ST18: variants seen among roughly 807,000 people sequenced by gnomAD.
ST18 encodes the protein ST18 C2H2C-type zinc finger transcription factor, also known as suppression of tumorigenicity 18 protein.
A neutral mutation model predicts 110.0 loss-of-function variants in ST18; 50 were observed. The observed-to-expected ratio is 0.45, with a 90% CI of 0.36 to 0.58. ST18 has a LOEUF of 0.58. ST18 is among the 20% of genes least tolerant of loss of function. ST18 has a pLI of 0.00. For missense variants in ST18, 1,306 were observed against 1,280.1 expected, an observed-to-expected ratio of 1.02 and a Z score of -0.31; for synonymous variants, 461 against 452.4, an observed-to-expected ratio of 1.02 and a Z score of -0.24.
intron 8 of ST18, among the ~76,000 whole-genome samples, chr8:52,186,669 C>A (rs1165021360): frequency 6.6e-6 from 1 of 152,160 alleles, no homozygotes; most frequent in Non-Finnish European, 1.5e-5. Context: ...CCTTTGACTG[C>A]AGAATGAATA....
rs1215520751 is a variant in ST18 at position 52,209,645 on chromosome 8, C to T, written c.86+2434G>A. On this transcript the variant is annotated intron_variant, in intron 8 of 25. Transcript: ENST00000689386. ...ATTAGCCCGGCATGGTGGCTCATGC[C>T]TGTAATCCCAGCTACTCGACAGGCT... Among the ~76,000 whole-genome samples, 3 of 151,640 alleles carry T rather than the reference C, an allele frequency of 2.0e-5. No homozygotes were observed. In the East Asian group the frequency reaches 5.9e-4, roughly 30 times the overall value.
intron 23 of ST18, among the ~76,000 whole-genome samples, chr8:52,118,694 A>G (rs549528514): frequency 1.3e-5 from 2 of 152,120 alleles, no homozygotes; most frequent in Non-Finnish European, 2.9e-5. Flanking sequence ...GTGCTGCCAG[A>G]CCCATTTGTA....
chr8:52,162,942 A>G (rs561876448), intron 13 of ST18, among the ~76,000 whole-genome samples: 3 of 152,330 alleles, frequency 2.0e-5, no homozygotes, highest in Non-Finnish European at 4.4e-5. Context: ...CTGAGCAACT[A>G]GTTGATCTTA....
intron 2 of ST18, among the ~76,000 whole-genome samples, chr8:52,271,490 C>T (rs368576844): frequency 6.6e-6 from 1 of 152,188 alleles, no homozygotes; most frequent in Non-Finnish European, 1.5e-5. Flanking sequence ...CCAATTTTCC[C>T]TCCCTGAAAG....
At chr8:52,361,190 T>C (rs1825591702) in intron 2 of ST18, among the ~76,000 whole-genome samples, 1 of 152,230 alleles carries the variant, frequency 6.6e-6, no homozygotes, top group Admixed American at 6.5e-5. Flanking sequence ...TATTTAGATA[T>C]AGAATCGATT....
chr8:52,219,589 T>G (rs2136296534), intron 5 of ST18, among the ~76,000 whole-genome samples: 1 of 152,350 alleles, frequency 6.6e-6, no homozygotes, highest in South Asian at 2.1e-4. Context: ...TTTATGATCC[T>G]TCTCCTTGTC....
In ST18 at chr8:52,116,433, A is replaced by G. The variant is rs1215644745; in HGVS notation, c.2860-15T>C. On this transcript the variant is annotated splice_polypyrimidine_tract_variant and intron_variant, in intron 24 of 25. Transcript: ENST00000689386. ...ATAGATGTGATCTACAACAGAAATA[A>G]CTTGGGAATGTGAGTAGTGGAGTTT... 1 of 1,607,486 alleles carries G rather than the reference A, an allele frequency of 6.2e-7. No individual in the cohort carries two copies. The highest frequency in any genetic ancestry group is 8.5e-7 in the Non-Finnish European group (1 of 1,176,588).
chr8:52,243,831 T>C (rs1263753590), intron 2 of ST18, among the ~76,000 whole-genome samples: 1 of 152,080 alleles, frequency 6.6e-6, no homozygotes, highest in African/African-American at 2.4e-5. Context: ...TTCTTGTCAA[T>C]GATTTTCCGC....
chr8:52,127,991 G>T (rs2047754159), intron 22 of ST18, among the ~76,000 whole-genome samples: 2 of 150,404 alleles, frequency 1.3e-5, no homozygotes, highest in South Asian at 2.1e-4. Flanking sequence ...TTTTTTTGAG[G>T]CGGGGTCTCA....
At chr8:52,132,869 G>C (rs2050258538) in intron 21 of ST18, among the ~76,000 whole-genome samples, 188 bp downstream of exon 21, 1 of 152,110 alleles carries the variant, frequency 6.6e-6, no homozygotes, top group African/African-American at 2.4e-5. Flanking sequence ...CATTATCAAA[G>C]AGCTGTGGAA....
rs547397702 is a variant in ST18 at position 52,182,132 on chromosome 8, T to C, written c.87-1820A>G. On this transcript the variant is annotated intron_variant, in intron 8 of 25. Transcript: ENST00000689386. ...GGGAGAGGCTCCTACGTCATTCAGA[T>C]ATTAAAGCAGGGAAAGGAAGTGGAT... 3.9e-5 allele frequency among the ~76,000 whole-genome samples: 6 copies of C among 152,300 alleles called. No homozygotes were observed. The South Asian group carries it at 1.0e-3, about 26-fold the overall frequency.
intron 2 of ST18, among the ~76,000 whole-genome samples, chr8:52,278,576 T>C (rs2095317351): frequency 6.6e-6 from 1 of 151,990 alleles, no homozygotes; most frequent in Admixed American, 6.6e-5. Flanking sequence ...CAACCCCTGC[T>C]CCTTGGGAAG....
chr8:52,252,572 C>T (rs1400854491), intron 2 of ST18, among the ~76,000 whole-genome samples: 5 of 151,570 alleles, frequency 3.3e-5, no homozygotes, highest in East Asian at 1.9e-4. Context: ...TACTTTGAAA[C>T]GTTTTAAATA....
intron 2 of ST18, among the ~76,000 whole-genome samples, chr8:52,289,802 C>T (rs897307412): frequency 6.6e-6 from 1 of 152,120 alleles, no homozygotes; most frequent in South Asian, 2.1e-4. Flanking sequence ...GCAGGAGCCA[C>T]ATGGAGCAAA....
intron 2 of ST18, among the ~76,000 whole-genome samples, chr8:52,233,898 T>C (rs2092107018): frequency 6.6e-6 from 1 of 152,208 alleles, no homozygotes; most frequent in South Asian, 2.1e-4. Flanking sequence ...GTGTATACAA[T>C]ATTGAATCAA....
chr8:52,239,711 T>C (rs2137495604), intron 2 of ST18, among the ~76,000 whole-genome samples: 1 of 152,310 alleles, frequency 6.6e-6, no homozygotes. Flanking sequence ...GTGGTCTCTA[T>C]TAGAGAAGCC....
At chr8:52,377,008 C>G (rs1482877207) in intron 2 of ST18, among the ~76,000 whole-genome samples, 1 of 152,164 alleles carries the variant, frequency 6.6e-6, no homozygotes, top group African/African-American at 2.4e-5. Flanking sequence ...AGGGTTAACA[C>G]TGATGCCCTC....
intron 2 of ST18, among the ~76,000 whole-genome samples, chr8:52,307,087 G>A (rs574606590): frequency 3.3e-5 from 5 of 152,132 alleles, no homozygotes; most frequent in South Asian, 2.1e-4. Context: ...GGGAGGTCAA[G>A]GCAGGAAGAT....
intron 15 of ST18, among the ~76,000 whole-genome samples, chr8:52,157,203 C>T (rs2060253733): frequency 1.3e-5 from 2 of 152,082 alleles, no homozygotes; most frequent in South Asian, 2.1e-4. Context: ...AGGGGAAAAG[C>T]CCTGTAATTT....
Sources: gnomAD v4.1 joint callset for allele counts (sites outside exome capture counted in the v4.1 genomes callset) on GRCh38, gnomAD v4.1.1 for gene constraint, MANE v1.5 for transcripts, NCBI Gene and HGNC (gene_info 2026-07-23, HGNC 2026-07-21) for gene names.